The following SPAST variants were observed in gnomAD, a reference collection of about 807,000 sequenced individuals.
The protein encoded by SPAST is spastic paraplegia 4 (autosomal dominant; spastin).
A neutral mutation model predicts 76.6 loss-of-function variants in SPAST; 30 were observed. The observed-to-expected ratio is 0.39, with a 90% CI of 0.29 to 0.53. The LOEUF (loss-of-function observed/expected upper bound fraction) is 0.53. Ranked by LOEUF, SPAST falls within the 20% of genes least tolerant of loss-of-function variation. The pLI is 0.68. For synonymous variants in SPAST, 305 were observed against 281.0 expected, an observed-to-expected ratio of 1.09 and a Z score of -0.86; for missense variants, 717 against 770.5, an observed-to-expected ratio of 0.93 and a Z score of 0.82.
intron 1 of SPAST, among the ~76,000 whole-genome samples, chr2:32,079,690 C>G (rs1434673025): frequency 6.7e-6 from 1 of 148,642 alleles, no homozygotes; most frequent in East Asian, 2.1e-4. Context: ...TCCCAAGTAG[C>G]TGGGACCACA....
intron 4 of SPAST, among the ~76,000 whole-genome samples, chr2:32,112,731 T>A (rs550088689): frequency 6.6e-6 from 1 of 152,306 alleles, no homozygotes; most frequent in South Asian, 2.1e-4. Context: ...AAAAGTAAAC[T>A]GGTTGTCTAA....
chr2:32,141,562 T>C (rs1193158155), intron 12 of SPAST, among the ~76,000 whole-genome samples: 1 of 152,254 alleles, frequency 6.6e-6, no homozygotes, highest in Non-Finnish European at 1.5e-5. Context: ...CCTAGTTTGT[T>C]GATGAAGTGT....
chr2:32,109,955 T>TATACACACATACATATATAGTTAC (rs1678477765), intron 4 of SPAST, among the ~76,000 whole-genome samples: 1 of 130,408 alleles, frequency 7.7e-6, no homozygotes, highest in Admixed American at 8.0e-5. Flanking sequence ...GTTACATATG[T>TATACACACATACATATATAGTTAC]ATATGTATAT....
chr2:32,137,378 A>C (rs1012795943), intron 12 of SPAST, among the ~76,000 whole-genome samples, 190 bp downstream of exon 12: 10 of 152,204 alleles, frequency 6.6e-5, no homozygotes, highest in African/African-American at 2.2e-4. Context: ...CAGGAGAATT[A>C]GTCTAGTAAA....
chr2:32,068,056 G>A (rs936031693), intron 1 of SPAST, among the ~76,000 whole-genome samples: 7 of 149,122 alleles, frequency 4.7e-5, no homozygotes, highest in Non-Finnish European at 1.0e-4. Context: ...TCGGCTCACT[G>A]CTAGCTCCGC....
intron 1 of SPAST, among the ~76,000 whole-genome samples, chr2:32,084,352 G>A (rs1002571476): frequency 4.0e-5 from 6 of 150,988 alleles, no homozygotes; most frequent in Admixed American, 4.0e-4. Flanking sequence ...TTTTAGTAGA[G>A]ACAGGGTTTC....
intron 9 of SPAST, among the ~76,000 whole-genome samples, chr2:32,135,729 G>T (rs1323233447): frequency 1.3e-5 from 2 of 152,072 alleles, no homozygotes; most frequent in Non-Finnish European, 2.9e-5. Flanking sequence ...AAGTTAGGTG[G>T]ATCACTTGAG....
intron 4 of SPAST, among the ~76,000 whole-genome samples, chr2:32,100,320 CT>C (rs77790719): frequency 0.14 from 17,598 of 127,940 alleles, 1,115 homozygotes; most frequent in Middle Eastern, 0.2. Context: ...TTATTGGTTA[CT>C]TTTTTTTTTT....
Position 32,098,887 on chromosome 2 carries a change from G to C in SPAST, c.678G>C (p.Gln226His). Residue 226 changes from glutamine (Q) to histidine (H), a missense_variant, in exon 4 of 17, where the codon CAG becomes CAC. Coordinates refer to ENST00000315285, the MANE Select transcript of SPAST (RefSeq NM_014946.4). Reference protein sequence around the residue: ...TNLACRNGHLQSESGAVPKRK... With the variant: ...TNLACRNGHLHSESGAVPKRK... ...TGGCATGCCGCAATGGACATCTCCA[G>C]TCAGGTGGGTTTAGGTTAACTAACA... 6.2e-7 allele frequency: 1 copy of C among 1,608,548 alleles called. No homozygotes were observed. The highest frequency in any genetic ancestry group is 8.5e-7 in the Non-Finnish European group (1 of 1,174,980).
chr2:32,117,625 G>A (rs996386976), intron 7 of SPAST, among the ~76,000 whole-genome samples: 10 of 150,638 alleles, frequency 6.6e-5, no homozygotes, highest in African/African-American at 9.8e-5. Context: ...TCTGCCTTTG[G>A]GGTTCAAGTG....
At chr2:32,086,029 G>C (rs1287024332) in intron 1 of SPAST, among the ~76,000 whole-genome samples, 4 of 146,572 alleles carry the variant, frequency 2.7e-5, no homozygotes, top group Admixed American at 2.1e-4. Flanking sequence ...GCTACAGAGA[G>C]AGACTCCATC....
intron 4 of SPAST, among the ~76,000 whole-genome samples, chr2:32,109,619 T>G (rs1247868604): frequency 6.6e-6 from 1 of 151,086 alleles, no homozygotes; most frequent in African/African-American, 2.4e-5. Flanking sequence ...TGATAATCAT[T>G]GACTCCTTAT....
intron 1 of SPAST, among the ~76,000 whole-genome samples, chr2:32,087,074 A>G (rs910471639): frequency 6.6e-6 from 1 of 151,568 alleles, no homozygotes. Flanking sequence ...CTTCCTCTAG[A>G]GAGGAGGTAC....
intron 12 of SPAST, among the ~76,000 whole-genome samples, chr2:32,137,939 G>T (rs764319967): frequency 6.6e-6 from 1 of 152,060 alleles, no homozygotes; most frequent in African/African-American, 2.4e-5. Context: ...ATTAATTGGC[G>T]TAGTATTAAG....
chr2:32,112,317 A>C (rs556061760), intron 4 of SPAST, among the ~76,000 whole-genome samples: 1 of 150,072 alleles, frequency 6.7e-6, no homozygotes, highest in East Asian at 2.0e-4. Context: ...TTTATTCTAG[A>C]ACCTCGTTTT....
chr2:32,116,298 A>G lies in SPAST; in HGVS notation c.1098+86A>G, dbSNP rs992970988. 1.2e-4 allele frequency: 103 copies of G among 842,494 alleles called. No individual in the cohort carries two copies. The African/African-American group carries it at 1.5e-3, about 12-fold the overall frequency. The allele number at this position is 842,494 out of a possible 1,614,324, so 52.2% of individuals were successfully genotyped here. A position where few individuals can be genotyped will look rare whatever the true frequency, so the allele number is the denominator to read the frequency against. ...GTAGTAGTAAAGAAATATTTGAGCT[A>G]TACTAAAATAATTAATTCATATAAG... On this transcript the variant is annotated intron_variant, in intron 7 of 16. Transcript: ENST00000315285.
chr2:32,083,337 T>C lies in SPAST; in HGVS notation c.416-4155T>C, dbSNP rs565597899. Among the ~76,000 whole-genome samples, 5 of 152,186 alleles carry C rather than the reference T, an allele frequency of 3.3e-5. No homozygotes were observed. The East Asian group carries it at 9.7e-4, about 29-fold the overall frequency. ...AGTTTGCATTTTTCTTGGGTAAATA[T>C]GTAGAAGAAGAGATTGTTGACTCAT... On this transcript the variant is annotated intron_variant, in intron 1 of 16. Transcript: ENST00000315285.
chr2:32,070,732 C>T (rs1160071570), intron 1 of SPAST, among the ~76,000 whole-genome samples: 1 of 152,076 alleles, frequency 6.6e-6, no homozygotes, highest in Non-Finnish European at 1.5e-5. Flanking sequence ...CAGGCTCAAT[C>T]GATCCACCCA....
rs143421147 is a variant in SPAST at position 32,106,171 on chromosome 2, C to T, written c.682+7280C>T. 3.8e-3 allele frequency among the ~76,000 whole-genome samples: 572 copies of T among 152,318 alleles called. 5 individuals are homozygous for T. The highest frequency in any genetic ancestry group is 0.013 in the African/African-American group (559 of 41,562). On this transcript the variant is annotated intron_variant, in intron 4 of 16. Transcript: ENST00000315285. Reference sequence around the variant, plus strand: ...AAGCCTCAGCAATGGCAGATGCCCCCGCCTCCAGCCTCTTTGCCGCCTTGC... The same window carrying T: ...AAGCCTCAGCAATGGCAGATGCCCCTGCCTCCAGCCTCTTTGCCGCCTTGC...
Sources: allele counts gnomAD v4.1 joint callset (sites outside exome capture counted in the v4.1 genomes callset), GRCh38; gene constraint gnomAD v4.1.1; transcripts MANE v1.5; gene names NCBI Gene and HGNC (gene_info 2026-07-23, HGNC 2026-07-21).